LAMA2: variants seen among roughly 807,000 people sequenced by gnomAD.
LAMA2 encodes laminin subunit alpha-2.
A neutral mutation model predicts 364.8 loss-of-function variants in LAMA2; 269 were observed. The ratio of observed to expected loss-of-function variants is 0.74; its 90% confidence interval spans 0.67 to 0.82. The LOEUF is 0.82. Among genes scored for constraint, LAMA2 ranks in the 40% least tolerant of loss-of-function variants. The pLI, the probability that LAMA2 is intolerant of heterozygous loss-of-function variation, is 0.00. For missense variants in LAMA2, 3,807 were observed against 3,873.2 expected, an observed-to-expected ratio of 0.98 and a Z score of 0.45; for synonymous variants, 1,379 against 1,370.6, an observed-to-expected ratio of 1.01 and a Z score of -0.14.
intron 1 of LAMA2, among the ~76,000 whole-genome samples, chr6:128,904,691 T>C (rs1472015997): frequency 6.6e-6 from 1 of 152,106 alleles, no homozygotes; most frequent in Admixed American, 6.5e-5. Context: ...ACTCATGACC[T>C]TGTGATCTGC....
chr6:129,326,027 A>G (rs1775257627), intron 28 of LAMA2, among the ~76,000 whole-genome samples: 1 of 152,086 alleles, frequency 6.6e-6, no homozygotes, highest in African/African-American at 2.4e-5. Flanking sequence ...TTTAGTCAAG[A>G]CATGGTTTCA....
At chr6:128,897,661 T>G (rs768262267) in intron 1 of LAMA2, among the ~76,000 whole-genome samples, 1 of 152,230 alleles carries the variant, frequency 6.6e-6, no homozygotes, top group Non-Finnish European at 1.5e-5. Context: ...ATTTTGTTGT[T>G]ATAGCTTTTC....
At chr6:129,364,969 CT>C (rs1267312210) in intron 32 of LAMA2, among the ~76,000 whole-genome samples, 1 of 152,122 alleles carries the variant, frequency 6.6e-6, no homozygotes, top group Non-Finnish European at 1.5e-5. Flanking sequence ...ATAACCAGGT[CT>C]TATGAGAACT....
At chr6:129,411,558 G>A (rs1780540405) in intron 40 of LAMA2, among the ~76,000 whole-genome samples, 1 of 152,136 alleles carries the variant, frequency 6.6e-6, no homozygotes, top group South Asian at 2.1e-4. Flanking sequence ...CCTAATACAA[G>A]GAGAGTAAAA....
chr6:129,445,615 G>A, intron 44 of LAMA2, 52 bp from the exon 45 acceptor site: 1 of 1,467,108 alleles, frequency 6.8e-7, no homozygotes, highest in Non-Finnish European at 9.6e-7. Context: ...CTAATTCTGT[G>A]TGTGCACGTG....
At chr6:129,049,835 T>C in intron 1 of LAMA2, 83 bp from the exon 2 acceptor site, 1 of 1,278,518 alleles carries the variant, frequency 7.8e-7, no homozygotes, top group East Asian at 2.3e-5. Flanking sequence ...CCGAAAAATA[T>C]TTTATCTCAA....
chr6:129,496,323 C>T (rs531559155), intron 58 of LAMA2, among the ~76,000 whole-genome samples: 1 of 152,226 alleles, frequency 6.6e-6, no homozygotes, highest in East Asian at 1.9e-4. Context: ...TGCACCACCA[C>T]TCTTGGCTAA....
chr6:129,446,395 G>A lies in LAMA2; in HGVS notation c.6429+574G>A, dbSNP rs190979814. Among the ~76,000 whole-genome samples, 407 of 150,428 alleles carry A rather than the reference G, an allele frequency of 2.7e-3. 2 individuals are homozygous for A. Among genetic ancestry groups the A allele is most frequent in the African/African-American group, 9.3e-3 (380 of 40,802 alleles). ...ATTTTGCTCTTTACTTACCCAATTA[G>A]AAGTTTACTAGGATAGAAACAGAGC... On this transcript the variant is annotated intron_variant, in intron 45 of 64. Transcript: ENST00000421865.
intron 12 of LAMA2, among the ~76,000 whole-genome samples, chr6:129,203,567 A>G (rs977569449): frequency 5.3e-5 from 8 of 152,250 alleles, no homozygotes; most frequent in Non-Finnish European, 1.0e-4. Context: ...GAGGGCTGCA[A>G]CAGCTTAATT....
Position 129,473,399 on chromosome 6 carries a change from G to T in LAMA2, c.7439+47G>T. On this transcript the variant is annotated intron_variant, in intron 52 of 64. Coordinates refer to ENST00000421865, the MANE Select transcript of LAMA2 (RefSeq NM_000426.4). ...GCTAAGGATTAAGTTTTAATTAAAT[G>T]ACCACTATGCTCACTAGAGTTCTGA... 3 of 1,549,514 alleles carry T rather than the reference G, an allele frequency of 1.9e-6. No homozygotes were observed. In the South Asian group the frequency reaches 3.3e-5, roughly 17 times the overall value.
chr6:129,478,356 C>A (rs2784893), intron 53 of LAMA2, among the ~76,000 whole-genome samples: 20 of 151,996 alleles, frequency 1.3e-4, no homozygotes, highest in Non-Finnish European at 2.8e-4. Flanking sequence ...CAATTATCTT[C>A]TCTTTGGTGA....
intron 10 of LAMA2, among the ~76,000 whole-genome samples, chr6:129,186,996 AAAT>A (rs1781265552): frequency 1.3e-5 from 2 of 151,848 alleles, no homozygotes; most frequent in South Asian, 4.1e-4. Flanking sequence ...CAACGATAAG[AAAT>A]AATGAGCAGA....
chr6:128,955,367 A>G (rs2114578597), intron 1 of LAMA2, among the ~76,000 whole-genome samples: 1 of 152,084 alleles, frequency 6.6e-6, no homozygotes, highest in Middle Eastern at 3.4e-3. Flanking sequence ...CTGGGGCCAC[A>G]CAGCTAGGAA....
intron 4 of LAMA2, among the ~76,000 whole-genome samples, chr6:129,141,860 TTGTG>T (rs911561102): frequency 7.6e-4 from 115 of 151,974 alleles, no homozygotes; most frequent in African/African-American, 2.7e-3. Flanking sequence ...GTGTGCATGT[TTGTG>T]TGTGTATGTG....
At chr6:129,428,685 T>C (rs1226430907) in intron 41 of LAMA2, among the ~76,000 whole-genome samples, 3 of 152,026 alleles carry the variant, frequency 2.0e-5, no homozygotes, top group Admixed American at 6.6e-5. Flanking sequence ...CCTCAAGTGA[T>C]CCTCCCGCCT....
At chr6:129,325,592 C>T (rs1775229500) in intron 28 of LAMA2, among the ~76,000 whole-genome samples, 1 of 150,536 alleles carries the variant, frequency 6.6e-6, no homozygotes, top group African/African-American at 2.4e-5. Flanking sequence ...TTGTCAAATA[C>T]TCTCTCTCTC....
intron 12 of LAMA2, among the ~76,000 whole-genome samples, chr6:129,212,932 G>A (rs1408226246): frequency 6.6e-6 from 1 of 152,118 alleles, no homozygotes; most frequent in Non-Finnish European, 1.5e-5. Context: ...TGTCCTAGAG[G>A]TGGCTGTCTT....
At chr6:129,447,394 G>A (rs1782443910) in intron 45 of LAMA2, among the ~76,000 whole-genome samples, 1 of 152,182 alleles carries the variant, frequency 6.6e-6, no homozygotes, top group Non-Finnish European at 1.5e-5. Flanking sequence ...TCAGGTAACA[G>A]GGAGAGTATT....
At position 129,443,339 on chromosome 6, in the gene LAMA2, T is replaced by C. The variant is rs189368961; in HGVS notation, c.6274+271T>C. On this transcript the variant is annotated intron_variant, in intron 44 of 64. Transcript: ENST00000421865. The stretch of plus-strand genomic sequence containing the variant: ...TGGCTCATACTCTAACCCCAGAAAT[T>C]TGGGAGGTCAAGGTGGGAGGATCAC... Among the ~76,000 whole-genome samples, 20 of 152,216 alleles carry C rather than the reference T, an allele frequency of 1.3e-4. No homozygotes were observed. In the East Asian group the frequency reaches 3.5e-3, roughly 26 times the overall value.
Sources: gnomAD v4.1 joint callset for allele counts (sites outside exome capture counted in the v4.1 genomes callset) on GRCh38, gnomAD v4.1.1 for gene constraint, MANE v1.5 for transcripts, NCBI Gene and HGNC (gene_info 2026-07-23, HGNC 2026-07-21) for gene names.